The following KHDRBS1 variants were observed in gnomAD, a reference collection of about 807,000 sequenced individuals.
The protein encoded by KHDRBS1 is KH RNA binding domain containing, signal transduction associated 1, also known as KH domain-containing, RNA-binding, signal transduction-associated protein 1.
In KHDRBS1, 7 loss-of-function variants were observed where a neutral mutation model predicts 48.4. That is an observed-to-expected ratio of 0.14 (90% confidence interval 0.08 to 0.27). KHDRBS1 has a LOEUF of 0.27. Ranked by LOEUF, KHDRBS1 falls within the 10% of genes least tolerant of loss-of-function variation. The pLI is 1.00. For missense variants in KHDRBS1, 458 were observed against 601.2 expected, an observed-to-expected ratio of 0.76 and a Z score of 2.49; for synonymous variants, 241 against 235.8, an observed-to-expected ratio of 1.02 and a Z score of -0.20.
At chr1:32,032,456 T>C (rs376484051) in intron 3 of KHDRBS1, among the ~76,000 whole-genome samples, 4 of 152,258 alleles carry the variant, frequency 2.6e-5, no homozygotes, top group Admixed American at 6.5e-5. Context: ...CCCCTACCAC[T>C]CCCTAGACCA....
At position 32,031,485 on chromosome 1, in the gene KHDRBS1, A is replaced by C. The variant is rs779996884; in HGVS notation, c.508-39A>C. ...AATTTATGTGGAAATGTTTTTATAT[A>C]GTAGCATGTATATTTAGAAATCCTC... On this transcript the variant is annotated intron_variant, in intron 2 of 8. Coordinates refer to ENST00000327300, the MANE Select transcript of KHDRBS1 (RefSeq NM_006559.3). 8 of 1,228,602 alleles carry C rather than the reference A, an allele frequency of 6.5e-6. 1 individual carries two copies. The South Asian group carries it at 1.1e-4, about 16-fold the overall frequency. 76.1% of individuals were successfully genotyped at this position (1,228,602 alleles called of 1,614,324 possible).
chr1:32,015,364 C>T (rs1229303153), intron 1 of KHDRBS1, among the ~76,000 whole-genome samples: 2 of 152,010 alleles, frequency 1.3e-5, no homozygotes, highest in Non-Finnish European at 2.9e-5. Flanking sequence ...TTTTATGATA[C>T]CTAAATTTTA....
chr1:32,025,931 T>TATATATATATATA (rs1557892025), intron 1 of KHDRBS1, among the ~76,000 whole-genome samples: 3 of 144,240 alleles, frequency 2.1e-5, no homozygotes, highest in African/African-American at 8.0e-5. Context: ...ATATATATAT[T>TATATATATATATA]TATTTATTTA....
intron 1 of KHDRBS1, among the ~76,000 whole-genome samples, chr1:32,015,071 G>A (rs1262591303): frequency 5.3e-5 from 8 of 152,232 alleles, no homozygotes; most frequent in Non-Finnish European, 1.2e-4. Flanking sequence ...CCTAGAGACA[G>A]TGAAATGGGA....
At chr1:32,059,784 TG>T (rs935913717) in intron 10 of KHDRBS1, among the ~76,000 whole-genome samples, 33 of 152,198 alleles carry the variant, frequency 2.2e-4, no homozygotes, top group African/African-American at 8.0e-4. Flanking sequence ...TAAAGATTTT[TG>T]TTCATCTTTT....
chr1:32,057,424 C>G (rs942495498), intron 10 of KHDRBS1, among the ~76,000 whole-genome samples: 4 of 151,942 alleles, frequency 2.6e-5, no homozygotes, highest in African/African-American at 7.3e-5. Flanking sequence ...CTATGTTAAC[C>G]TCCCAAAGTG....
chr1:32,022,707 G>A (rs950542154), intron 1 of KHDRBS1, among the ~76,000 whole-genome samples: 3 of 152,008 alleles, frequency 2.0e-5, no homozygotes, highest in African/African-American at 4.8e-5. Flanking sequence ...TAGCTAACAC[G>A]GTGAAACCCC....
chr1:32,038,711 G>A (rs1639231058), intron 7 of KHDRBS1, 92 bp downstream of exon 7: 1 of 1,252,330 alleles, frequency 8.0e-7, no homozygotes, highest in Non-Finnish European at 1.2e-6. Context: ...CAACCCTAAG[G>A]AGCAGAATGG....
At chr1:32,021,645 C>T (rs1638860628) in intron 1 of KHDRBS1, among the ~76,000 whole-genome samples, 1 of 151,892 alleles carries the variant, frequency 6.6e-6, no homozygotes, top group African/African-American at 2.4e-5. Context: ...GAAACAGGTT[C>T]TCACTATGTC....
chr1:32,054,109 C>T (rs1265166718), intron 10 of KHDRBS1, among the ~76,000 whole-genome samples: 1 of 152,048 alleles, frequency 6.6e-6, no homozygotes, highest in Non-Finnish European at 1.5e-5. Flanking sequence ...ACAGTAAGCA[C>T]TCAAATATTA....
chr1:32,035,223 C>G (rs1477463711), intron 4 of KHDRBS1, among the ~76,000 whole-genome samples: 2 of 152,040 alleles, frequency 1.3e-5, no homozygotes, highest in East Asian at 3.9e-4. Flanking sequence ...GTAAGTGAAT[C>G]TTTTGAAAAA....
At chr1:32,056,805 A>G (rs926396507) in intron 10 of KHDRBS1, among the ~76,000 whole-genome samples, 2 of 152,180 alleles carry the variant, frequency 1.3e-5, no homozygotes, top group African/African-American at 2.4e-5. Flanking sequence ...TCCTTTCATT[A>G]TTTTTAAAAA....
intron 5 of KHDRBS1, among the ~76,000 whole-genome samples, 185 bp downstream of exon 5, chr1:32,037,228 G>A (rs1395436670): frequency 2.6e-5 from 4 of 152,114 alleles, no homozygotes; most frequent in African/African-American, 9.7e-5. Context: ...AAGGCAGGCG[G>A]ATCAACTGAC....
At chr1:32,049,005 T>C (rs956123248) in intron 10 of KHDRBS1, among the ~76,000 whole-genome samples, 11 of 151,758 alleles carry the variant, frequency 7.2e-5, no homozygotes, top group East Asian at 5.9e-4. Context: ...CAAATGAAAT[T>C]ATACAATAAG....
downstream of KHDRBS1, among the ~76,000 whole-genome samples, chr1:32,047,047 G>T (rs1313203517): frequency 6.6e-6 from 1 of 152,212 alleles, no homozygotes; most frequent in Non-Finnish European, 1.5e-5. Context: ...GCTTGGAAAG[G>T]CAGGTTCTGT....
intron 10 of KHDRBS1, among the ~76,000 whole-genome samples, chr1:32,059,866 C>T (rs1191973486): frequency 6.6e-6 from 1 of 152,122 alleles, no homozygotes; most frequent in Admixed American, 6.5e-5. Context: ...GATAGGCCCC[C>T]CAAAGGTTTT....
In KHDRBS1 at chr1:32,014,337, C is replaced by A; in HGVS notation, c.342C>A (p.Leu114=). ...LPELMAEKDS[L]DPSFTHAMQL... ...AACTCATGGCCGAGAAGGACTCGCT[C>A]GACCCGTCCTTCACTCACGCCATGC... The change falls in exon 1 of 9, where the codon CTC becomes CTA. Residue 114 remains leucine, a synonymous_variant. Coordinates refer to ENST00000327300, the MANE Select transcript of KHDRBS1 (RefSeq NM_006559.3). The A allele has an allele frequency of 6.5e-7, 1 of 1,541,012 alleles. No homozygotes were observed. The highest frequency in any genetic ancestry group is 8.8e-7 in the Non-Finnish European group (1 of 1,139,666).
At chr1:32,027,228 G>A (rs1638993296) in intron 1 of KHDRBS1, among the ~76,000 whole-genome samples, 1 of 152,176 alleles carries the variant, frequency 6.6e-6, no homozygotes, top group South Asian at 2.1e-4. Context: ...CACCTCTCCT[G>A]GCCTGTTCCA....
chr1:32,022,860 A>G (rs1638888997), intron 1 of KHDRBS1, among the ~76,000 whole-genome samples: 1 of 152,038 alleles, frequency 6.6e-6, no homozygotes, highest in Admixed American at 6.6e-5. Context: ...ACTGCACTCC[A>G]GTGTGGGTGA....
Sources: gnomAD v4.1 joint callset for allele counts (sites outside exome capture counted in the v4.1 genomes callset) on GRCh38, gnomAD v4.1.1 for gene constraint, MANE v1.5 for transcripts, NCBI Gene and HGNC (gene_info 2026-07-23, HGNC 2026-07-21) for gene names.